The following ARHGAP19 variants were observed in gnomAD, a reference collection of about 807,000 sequenced individuals.
ARHGAP19 encodes rho GTPase-activating protein 19.
ARHGAP19 carries 48 observed loss-of-function variants against 60.9 expected under a neutral mutation model. The observed-to-expected ratio is 0.79, with a 90% CI of 0.62 to 1.00. ARHGAP19 has a LOEUF of 1.00. Ranked by LOEUF, ARHGAP19 falls within the 50% of genes least tolerant of loss-of-function variation. The probability of loss-of-function intolerance (pLI) is 0.00; values close to 1 mark genes in which losing one functional copy is unlikely to be tolerated. For synonymous variants in ARHGAP19, 209 were observed against 215.5 expected, an observed-to-expected ratio of 0.97 and a Z score of 0.27; for missense variants, 562 against 597.2, an observed-to-expected ratio of 0.94 and a Z score of 0.61.
At chr10:97,252,551 G>A (rs1480202500) in intron 6 of ARHGAP19, among the ~76,000 whole-genome samples, 1 of 152,010 alleles carries the variant, frequency 6.6e-6, no homozygotes, top group Admixed American at 6.6e-5. Flanking sequence ...ATGAACCTGG[G>A]AGGCAGAGCT....
chr10:97,256,448 G>A, intron 5 of ARHGAP19, 44 bp from the exon 6 acceptor site: 5 of 1,377,446 alleles, frequency 3.6e-6, no homozygotes, highest in Non-Finnish European at 5.2e-6. Flanking sequence ...TTAAGAGCTA[G>A]AAAGTAGTAC....
intron 4 of ARHGAP19, 35 bp downstream of exon 4, chr10:97,263,385 T>C (rs772721968): frequency 1.3e-6 from 2 of 1,587,744 alleles, no homozygotes; most frequent in Non-Finnish European, 8.6e-7. Flanking sequence ...TTGAAAGAAA[T>C]GTATTTACAT....
chr10:97,234,181 C>T (rs961444232), intron 9 of ARHGAP19, among the ~76,000 whole-genome samples: 5 of 151,258 alleles, frequency 3.3e-5, no homozygotes, highest in African/African-American at 1.2e-4. Context: ...GCAGGAGAAT[C>T]GCTTGAACCC....
intron 8 of ARHGAP19, among the ~76,000 whole-genome samples, chr10:97,239,989 G>C (rs1009703439): frequency 2.0e-5 from 3 of 152,078 alleles, no homozygotes; most frequent in Admixed American, 6.6e-5. Flanking sequence ...TTACAGGCAT[G>C]AGCCACCCTG....
chr10:97,236,311 C>A (rs542602012), intron 8 of ARHGAP19, among the ~76,000 whole-genome samples: 1 of 152,026 alleles, frequency 6.6e-6, no homozygotes, highest in Non-Finnish European at 1.5e-5. Context: ...TTTAAAATTT[C>A]GGAACTGTAA....
chr10:97,255,535 C>G (rs1842741590), intron 6 of ARHGAP19, among the ~76,000 whole-genome samples: 1 of 152,084 alleles, frequency 6.6e-6, no homozygotes, highest in Non-Finnish European at 1.5e-5. Context: ...CAAGACTGTA[C>G]CAATGCACTC....
At chr10:97,265,076 T>C (rs1281582219) in intron 2 of ARHGAP19, among the ~76,000 whole-genome samples, 170 bp from the exon 3 acceptor site, 5 of 152,110 alleles carry the variant, frequency 3.3e-5, no homozygotes, top group African/African-American at 7.2e-5. Context: ...GCAGGACAAC[T>C]CTCAATCAGC....
In ARHGAP19 at chr10:97,229,763, C is replaced by A. The variant is rs764825829; in HGVS notation, c.1395+1G>T. 3.8e-6 allele frequency: 6 copies of A among 1,579,880 alleles called. No homozygotes were observed. In the African/African-American group the frequency reaches 8.1e-5, roughly 21 times the overall value. ...AGACAGTCCAAAGAACAGTGTCTTA[C>A]TAAGTTCCTATTTTCTTTGCTGGTT... On this transcript the variant is annotated splice_donor_variant, in intron 10 of 11. Transcript: ENST00000358531. LOFTEE classifies it high-confidence loss of function.
In ARHGAP19 at chr10:97,280,865, G is replaced by A. The variant is rs760236607; in HGVS notation, c.56+11707C>T. Among the ~76,000 whole-genome samples the A allele has an allele frequency of 8.5e-5, 13 of 152,270 alleles. 2 individuals carry two copies. In the South Asian group the frequency reaches 1.2e-3, roughly 15 times the overall value. ...CTCCCCAAGTGCTGGCATTAGGCAT[G>A]AGCCACTGCACCCAGCCTCCTACAG... On this transcript the variant is annotated intron_variant, in intron 1 of 11. Coordinates refer to ENST00000358531, the MANE Select transcript of ARHGAP19 (RefSeq NM_032900.6).
intron 5 of ARHGAP19, among the ~76,000 whole-genome samples, chr10:97,257,527 A>G (rs747014272): frequency 3.3e-5 from 5 of 151,866 alleles, no homozygotes; most frequent in Non-Finnish European, 5.9e-5. Flanking sequence ...GCTGGTCTCA[A>G]CCTCCTGTCC....
chr10:97,262,196 AATT>A (rs1247294661), intron 4 of ARHGAP19, among the ~76,000 whole-genome samples: 4,775 of 114,834 alleles, frequency 0.042, 117 homozygotes, highest in African/African-American at 0.081. Flanking sequence ...AAAAAAAAAA[AATT>A]TTTTTTTTTT....
intron 6 of ARHGAP19, among the ~76,000 whole-genome samples, chr10:97,247,555 T>C (rs1022344968): frequency 5.3e-5 from 8 of 152,056 alleles, no homozygotes; most frequent in African/African-American, 1.7e-4. Flanking sequence ...AATCAAAAAA[T>C]TGGATACAAC....
chr10:97,279,646 C>T (rs550571097), intron 1 of ARHGAP19, among the ~76,000 whole-genome samples: 1 of 152,228 alleles, frequency 6.6e-6, no homozygotes, highest in South Asian at 2.1e-4. Flanking sequence ...ACATGCACAG[C>T]CACACCTGGC....
chr10:97,291,078 T>C (rs931322475), intron 1 of ARHGAP19, among the ~76,000 whole-genome samples: 1 of 152,038 alleles, frequency 6.6e-6, no homozygotes, highest in South Asian at 2.1e-4. Context: ...ACTAAAATGC[T>C]AATTAGGCAA....
chr10:97,272,130 T>TC, intron 1 of ARHGAP19, among the ~76,000 whole-genome samples: 1 of 98,138 alleles, frequency 1.0e-5, no homozygotes, highest in South Asian at 3.9e-4. Flanking sequence ...GGGAAATATG[T>TC]CTTTTTTTTT....
rs1482112404 is a variant in ARHGAP19 at position 97,222,335 on chromosome 10, C to T, written c.*3787G>A. The T allele has an allele frequency of 6.6e-6, 1 of 152,248 alleles. No homozygotes were observed. Among genetic ancestry groups the T allele is most frequent in the Non-Finnish European group, 1.5e-5 (1 of 68,052 alleles). The allele number at this position is 152,248 out of a possible 1,614,324, so 9.4% of individuals were successfully genotyped here. Reference sequence around the variant, plus strand: ...AACCTTGTTTCTCTTGTTGAGCAAGCTCAGGGATAGGACAAAGGCAACCCT... The same window carrying T: ...AACCTTGTTTCTCTTGTTGAGCAAGTTCAGGGATAGGACAAAGGCAACCCT... On this transcript the variant is annotated 3_prime_UTR_variant, in exon 12 of 12. Transcript: ENST00000358531.
Position 97,226,001 on chromosome 10 carries a change from G to T in ARHGAP19, c.*121C>A. ...ATCAGTCGGGTCACGGTATTAGTTG[G>T]CTTTGACAATTCAAAATGCAGCAAG... On this transcript the variant is annotated 3_prime_UTR_variant, in exon 12 of 12. Coordinates refer to ENST00000358531, the MANE Select transcript of ARHGAP19 (RefSeq NM_032900.6). 9.2e-7 allele frequency: 1 copy of T among 1,083,244 alleles called. No individual in the cohort carries two copies. The highest frequency in any genetic ancestry group is 1.4e-6 in the Non-Finnish European group (1 of 727,498). 67.1% of individuals were successfully genotyped at this position (1,083,244 alleles called of 1,614,324 possible). A position where few individuals can be genotyped will look rare whatever the true frequency, so the allele number is the denominator to read the frequency against.
At chr10:97,292,547 G>C (rs769977735) in intron 1 of ARHGAP19, 25 bp downstream of exon 1, 3 of 1,614,186 alleles carry the variant, frequency 1.9e-6, no homozygotes, top group Non-Finnish European at 2.5e-6. Context: ...GCGTTTCCCA[G>C]GAAACTGGAC....
At chr10:97,226,742 C>T (rs1208932311) in intron 11 of ARHGAP19, among the ~76,000 whole-genome samples, 1 of 152,178 alleles carries the variant, frequency 6.6e-6, no homozygotes, top group Non-Finnish European at 1.5e-5. Context: ...GTAAATCATA[C>T]TAAGTGTCAA....
Sources: allele counts gnomAD v4.1 joint callset (sites outside exome capture counted in the v4.1 genomes callset), GRCh38; gene constraint gnomAD v4.1.1; transcripts MANE v1.5; gene names NCBI Gene and HGNC (gene_info 2026-07-23, HGNC 2026-07-21).